Variants in FRMD3 observed in about 807,000 individuals in gnomAD.
FRMD3 encodes the protein FERM domain-containing protein 3.
In FRMD3, 33 loss-of-function variants were observed where a neutral mutation model predicts 70.2. The ratio of observed to expected loss-of-function variants is 0.47; its 90% CI spans 0.36 to 0.63. FRMD3 has a LOEUF of 0.63. FRMD3 is among the 20% of genes least tolerant of loss of function. The pLI, the probability that FRMD3 is intolerant of heterozygous loss-of-function variation, is 0.00. For missense variants in FRMD3, 632 were observed against 711.4 expected, an observed-to-expected ratio of 0.89 and a Z score of 1.27; for synonymous variants, 279 against 255.9, an observed-to-expected ratio of 1.09 and a Z score of -0.86.
chr9:83,344,873 A>G (rs560612941), intron 4 of FRMD3, among the ~76,000 whole-genome samples: 1 of 142,044 alleles, frequency 7.0e-6, no homozygotes, highest in African/African-American at 2.7e-5. Context: ...TATTGGTTCT[A>G]TTTCTCTGGA....
In FRMD3 at chr9:83,417,307, T is replaced by C. The variant is rs554063540; in HGVS notation, c.148-27599A>G. Among the ~76,000 whole-genome samples the C allele has an allele frequency of 3.2e-4, 48 of 152,242 alleles. 1 individual carries two copies. The highest frequency in any genetic ancestry group is 5.3e-4 in the Non-Finnish European group (36 of 68,000). ...GCTAAAAATAAAACAGTAAACAAAA[T>C]AAAAGAGTAAACCATGCCTGCTCTC... On this transcript the variant is annotated intron_variant, in intron 1 of 13. Coordinates refer to ENST00000304195, the MANE Select transcript of FRMD3 (RefSeq NM_174938.6).
intron 1 of FRMD3, among the ~76,000 whole-genome samples, chr9:83,407,818 A>G (rs1432154607): frequency 7.9e-6 from 1 of 126,962 alleles, no homozygotes; most frequent in Non-Finnish European, 1.6e-5. Context: ...TCTGGCCAGC[A>G]GAGGAGGGGG....
At position 83,406,633 on chromosome 9, in the gene FRMD3, C is replaced by T. The variant is rs187218846; in HGVS notation, c.148-16925G>A. On this transcript the variant is annotated intron_variant, in intron 1 of 13. Transcript: ENST00000304195. ...AGATCAGAACGTAACTTTCAACCCACGAGTGCTGCTCCCCCAAGTTATATG... is the reference window on the plus strand; with the variant it reads ...AGATCAGAACGTAACTTTCAACCCATGAGTGCTGCTCCCCCAAGTTATATG... Among the ~76,000 whole-genome samples, 551 of 152,334 alleles carry T rather than the reference C, an allele frequency of 3.6e-3. 3 individuals are homozygous for T. The highest frequency in any genetic ancestry group is 0.013 in the African/African-American group (525 of 41,588).
chr9:83,413,109 G>A (rs1826327566), intron 1 of FRMD3, among the ~76,000 whole-genome samples: 1 of 152,162 alleles, frequency 6.6e-6, no homozygotes, highest in African/African-American at 2.4e-5. Flanking sequence ...TATTTAGTGG[G>A]CTACAGGTAA....
rs1332703409 is a variant in FRMD3, at chr9:83,247,792, T to C, written c.*126A>G. The C allele has an allele frequency of 4.0e-6, 6 of 1,496,388 alleles. No homozygotes were observed. The highest frequency in any genetic ancestry group is 2.9e-5 in the South Asian group (2 of 70,058). 92.7% of individuals were successfully genotyped at this position (1,496,388 alleles called of 1,614,324 possible). On this transcript the variant is annotated 3_prime_UTR_variant, in exon 14 of 14. Transcript: ENST00000304195. ...AATTATGGAAAGCTAACTTAAAGGT[T>C]TGAATAATCAATTATGAGTAAGGAA... is the stretch of plus-strand genomic sequence containing the variant.
Position 83,415,372 on chromosome 9 carries a change from G to A in FRMD3, c.148-25664C>T, listed in dbSNP as rs756075963. ...CTGCCTGGAATCCCTTTTAAAATAC[G>A]CAGGAAATAGATAAGTGAACAAGTA... is the stretch of plus-strand genomic sequence containing the variant. On this transcript the variant is annotated intron_variant, in intron 1 of 13. Transcript: ENST00000304195. Among the ~76,000 whole-genome samples, 125 of 151,906 alleles carry A rather than the reference G, an allele frequency of 8.2e-4. 1 individual carries two copies. The highest frequency in any genetic ancestry group is 8.1e-4 in the Non-Finnish European group (55 of 67,960).
In FRMD3 at chr9:83,538,071, G is replaced by A. The variant is rs771540849; in HGVS notation, c.147+14C>T. The A allele has an allele frequency of 3.6e-5, 58 of 1,610,366 alleles. No individual in the cohort carries two copies. In the Admixed American group the frequency reaches 9.7e-4, roughly 27 times the overall value. On this transcript the variant is annotated intron_variant, in intron 1 of 13. Transcript: ENST00000304195. This position sits in a 1 kb window ranked among gnomAD's most constrained non-coding sequence, Gnocchi z 4.7. ...CGGCGTGTGCCCCGCGCCCTCGCCC[G>A]GTTCCACGCGCACCTGGATGTGGCA...
chr9:83,294,341 C>G (rs1026443994), intron 12 of FRMD3, among the ~76,000 whole-genome samples: 1 of 152,018 alleles, frequency 6.6e-6, no homozygotes, highest in Non-Finnish European at 1.5e-5. Context: ...TATAAGCCAC[C>G]CTGGTCTATG....
At chr9:83,416,772 T>A (rs886756669) in intron 1 of FRMD3, among the ~76,000 whole-genome samples, 101 of 127,466 alleles carry the variant, frequency 7.9e-4, no homozygotes, top group African/African-American at 1.4e-3. Flanking sequence ...TCTCTCTCTC[T>A]CTCTCTCTCT....
the FRMD3 span, among the ~76,000 whole-genome samples, chr9:83,566,491 C>T: frequency 2.6e-5 from 4 of 152,304 alleles, no homozygotes; most frequent in East Asian, 7.7e-4. Flanking sequence ...AAAGTCTTAA[C>T]TCATTTCAGC....
intron 1 of FRMD3, among the ~76,000 whole-genome samples, chr9:83,400,853 C>G (rs1429859911): frequency 1.3e-5 from 2 of 152,198 alleles, no homozygotes; most frequent in African/African-American, 4.8e-5. Flanking sequence ...AATGAGCTAT[C>G]TTTATTAATC....
chr9:83,558,977 A>C, the FRMD3 span, among the ~76,000 whole-genome samples: 13 of 152,358 alleles, frequency 8.5e-5, no homozygotes, highest in African/African-American at 2.6e-4. Context: ...ACAGATGAGC[A>C]ACAACAACAA....
chr9:83,453,026 T>G (rs1375136845), intron 1 of FRMD3, among the ~76,000 whole-genome samples: 1 of 151,930 alleles, frequency 6.6e-6, no homozygotes, highest in Non-Finnish European at 1.5e-5. Flanking sequence ...GGTAAATTTT[T>G]GTATTGTTTA....
rs1827979798 is a variant in FRMD3 at position 83,461,709 on chromosome 9, G to A, written c.148-72001C>T. ...TTTTTTTTTTTTTTTTTTTTTTTGAGATGGAGTCTCACTCTGTCATCCATG... is the reference window on the plus strand; with the variant it reads ...TTTTTTTTTTTTTTTTTTTTTTTGAAATGGAGTCTCACTCTGTCATCCATG... On this transcript the variant is annotated intron_variant, in intron 1 of 13. Coordinates refer to ENST00000304195, the MANE Select transcript of FRMD3 (RefSeq NM_174938.6). Among the ~76,000 whole-genome samples, 4 of 70,350 alleles carry A rather than the reference G, an allele frequency of 5.7e-5. No individual in the cohort carries two copies. The Admixed American group carries it at 1.0e-3, about 18-fold the overall frequency. 46.2% of individuals were successfully genotyped at this position (70,350 alleles called of 152,430 possible). A position where few individuals can be genotyped will look rare whatever the true frequency, so the allele number is the denominator to read the frequency against.
At chr9:83,445,371 T>TAGAC (rs987692164) in intron 1 of FRMD3, among the ~76,000 whole-genome samples, 10 of 151,180 alleles carry the variant, frequency 6.6e-5, no homozygotes, top group East Asian at 5.8e-4. Context: ...GATAGATAGA[T>TAGAC]AGATAGATAG....
intron 13 of FRMD3, among the ~76,000 whole-genome samples, chr9:83,283,663 G>A (rs1436974333): frequency 2.0e-5 from 3 of 152,036 alleles, no homozygotes; most frequent in Non-Finnish European, 4.4e-5. Flanking sequence ...TCTGTTCTGT[G>A]GAGGCATCCT....
At position 83,245,732 on chromosome 9, in the gene FRMD3, T is replaced by C. The variant is rs958179021; in HGVS notation, c.*2186A>G. The C allele has an allele frequency of 8.1e-6, 8 of 984,320 alleles. No individual in the cohort carries two copies. In the East Asian group the frequency reaches 7.9e-4, roughly 98 times the overall value. 61.0% of individuals were successfully genotyped at this position (984,320 alleles called of 1,614,324 possible). ...ATAGTCAGAACTTTAGAGAAAATTA[T>C]ATGACGCATGATCAGAAGGGGACTA... On this transcript the variant is annotated 3_prime_UTR_variant, in exon 14 of 14. Coordinates refer to ENST00000304195, the MANE Select transcript of FRMD3 (RefSeq NM_174938.6).
intron 1 of FRMD3, among the ~76,000 whole-genome samples, chr9:83,480,647 C>T (rs2131477447): frequency 1.3e-5 from 2 of 152,194 alleles, no homozygotes; most frequent in East Asian, 3.9e-4. Flanking sequence ...AGGCACCTGC[C>T]ACCACACCCA....
intron 2 of FRMD3, among the ~76,000 whole-genome samples, chr9:83,388,917 T>C (rs1825586681): frequency 6.6e-6 from 1 of 151,780 alleles, no homozygotes; most frequent in African/African-American, 2.4e-5. Context: ...AGCAGTTATT[T>C]CTCAATTACT....
Sources: gnomAD v4.1 joint callset for allele counts (sites outside exome capture counted in the v4.1 genomes callset) on GRCh38, gnomAD v4.1.1 for gene constraint, Gnocchi (gnomAD v3.1) non-coding constraint, MANE v1.5 for transcripts, NCBI Gene and HGNC (gene_info 2026-07-23, HGNC 2026-07-21) for gene names.